The following PDPN variants were observed in gnomAD, a reference collection of about 807,000 sequenced individuals.
PDPN encodes the protein podoplanin, also known as PA2.26 antigen.
Under a neutral mutation model 23.2 loss-of-function variants are expected in PDPN, and 12 were observed. The observed-to-expected ratio is 0.52, with a 90% CI of 0.33 to 0.84. The LOEUF (loss-of-function observed/expected upper bound fraction) is 0.84, where lower values mean the gene tolerates loss of function less well. PDPN is among the 40% of genes least tolerant of loss of function. PDPN has a pLI of 0.02. For missense variants in PDPN, 199 were observed against 212.2 expected (o/e 0.94, Z 0.39); for synonymous variants, 77 against 76.7 (o/e 1.00, Z -0.02).
rs1263328638 is a variant in PDPN, at chr1:13,616,911, A to C, written c.*1000A>C. On this transcript the variant is annotated 3_prime_UTR_variant, in exon 6 of 6. Transcript: ENST00000621990. The stretch of plus-strand genomic sequence containing the variant: ...TCTGGTATGAGAAATAAAATCTGCC[A>C]GTTTTATAACATTCACTTTCTGCCT... 1.3e-5 allele frequency: 2 copies of C among 152,228 alleles called. No homozygotes were observed. The highest frequency in any genetic ancestry group is 2.4e-5 in the African/African-American group (1 of 41,464). The allele number at this position is 152,228 out of a possible 1,614,324, so 9.4% of individuals were successfully genotyped here.
intron 5 of PDPN, 100 bp from the exon 6 acceptor site, chr1:13,615,805 G>A: frequency 9.1e-7 from 1 of 1,098,750 alleles, no homozygotes; most frequent in Non-Finnish European, 1.4e-6. Context: ...GTCAGAACTT[G>A]GAAGATTTAG....
chr1:13,586,519 ACT>A (rs1373899130), intron 1 of PDPN, among the ~76,000 whole-genome samples: 1 of 151,890 alleles, frequency 6.6e-6, no homozygotes, highest in Non-Finnish European at 1.5e-5. Flanking sequence ...CACGCGAGTG[ACT>A]CTACACTGTA....
At position 13,614,274 on chromosome 1, in the gene PDPN, A is replaced by G. The variant is rs764099456; in HGVS notation, c.371-26A>G. On this transcript the variant is annotated intron_variant, in intron 4 of 5. Transcript: ENST00000621990. ...CGATGTATTTTTTCCTCTGGGGCTC[A>G]TGCTTTTTTTCTCTCTCTTGTTCAG... 7.1e-6 allele frequency: 9 copies of G among 1,264,510 alleles called. No individual in the cohort carries two copies. In the East Asian group the frequency reaches 1.8e-4, roughly 26 times the overall value. 78.3% of individuals were successfully genotyped at this position (1,264,510 alleles called of 1,614,324 possible).
chr1:13,597,534 C>A (rs921609661), intron 1 of PDPN, among the ~76,000 whole-genome samples: 1 of 152,166 alleles, frequency 6.6e-6, no homozygotes, highest in African/African-American at 2.4e-5. Context: ...GTGGAAGAAA[C>A]TTCTCACTCA....
At chr1:13,605,779 T>C (rs748149555) in intron 1 of PDPN, among the ~76,000 whole-genome samples, 1 of 151,864 alleles carries the variant, frequency 6.6e-6, no homozygotes, top group Non-Finnish European at 1.5e-5. Context: ...TGCAACCCCA[T>C]GCCCAGCTAA....
intron 1 of PDPN, among the ~76,000 whole-genome samples, chr1:13,594,173 C>G (rs990815874): frequency 6.6e-6 from 1 of 152,314 alleles, no homozygotes; most frequent in East Asian, 1.9e-4. Flanking sequence ...GTGGCTGGGC[C>G]ATAAACTTAC....
In PDPN at chr1:13,614,371, A is replaced by G; in HGVS notation, c.442A>G (p.Ile148Val). The G allele has an allele frequency of 6.2e-6, 10 of 1,604,688 alleles. No individual in the cohort carries two copies. The highest frequency in any genetic ancestry group is 8.5e-6 in the Non-Finnish European group (10 of 1,171,398). ...VLLAIGFIGA[I>V]IVVVMRKMSG... ...ACTAGCCATCGGCTTCATTGGTGCA[A>G]TCATCGTTGTGGTTATGCGAAAAAT... Residue 148 changes from isoleucine (I) to valine (V), a missense_variant, in exon 5 of 6, where the codon ATC (isoleucine) becomes GTC (valine). By Grantham distance (29) the Ile-to-Val change is conservative. Transcript: ENST00000621990.
At chr1:13,588,187 C>T (rs1167425668) in intron 1 of PDPN, among the ~76,000 whole-genome samples, 1 of 151,976 alleles carries the variant, frequency 6.6e-6, no homozygotes, top group Non-Finnish European at 1.5e-5. Flanking sequence ...CTCTTGACCC[C>T]CATCCAGAGA....
At chr1:13,592,308 A>G (rs1292593625) in intron 1 of PDPN, among the ~76,000 whole-genome samples, 1 of 152,190 alleles carries the variant, frequency 6.6e-6, no homozygotes, top group Non-Finnish European at 1.5e-5. Context: ...AATAGCGTTT[A>G]AAATTTTGGT....
intron 1 of PDPN, among the ~76,000 whole-genome samples, chr1:13,585,841 T>G (rs1640163634): frequency 6.6e-6 from 1 of 152,194 alleles, no homozygotes; most frequent in East Asian, 1.9e-4. Context: ...ATAACATCAT[T>G]GAGCGAAGCT....
rs532767192 is a variant in PDPN at position 13,615,294 on chromosome 1, T to G, written c.483-611T>G. On this transcript the variant is annotated intron_variant, in intron 5 of 5. Coordinates refer to ENST00000621990, the MANE Select transcript of PDPN (RefSeq NM_006474.5). ...CCTTTTTCTTTCTCTTTCTTTTTCT[T>G]TTTCTTTTTTTTTGAGACAGTCTTG... is the stretch of plus-strand genomic sequence containing the variant. Among the ~76,000 whole-genome samples the G allele has an allele frequency of 3.5e-5, 4 of 113,986 alleles. No homozygotes were observed. In the South Asian group the frequency reaches 1.4e-3, roughly 39 times the overall value. The allele number at this position is 113,986 out of a possible 152,430, so 74.8% of individuals were successfully genotyped here.
chr1:13,599,849 C>T (rs186195894), intron 1 of PDPN, among the ~76,000 whole-genome samples: 68 of 152,226 alleles, frequency 4.5e-4, no homozygotes, highest in South Asian at 4.1e-4. Context: ...GGAGCTGGGG[C>T]TGTAGAGGTG....
At chr1:13,600,475 C>T (rs1019991274) in intron 1 of PDPN, among the ~76,000 whole-genome samples, 1 of 152,070 alleles carries the variant, frequency 6.6e-6, no homozygotes, top group Admixed American at 6.5e-5. Context: ...AGCGATTCTC[C>T]TGCCTCAGCC....
chr1:13,586,694 C>T (rs1193398185), intron 1 of PDPN, among the ~76,000 whole-genome samples: 2 of 149,966 alleles, frequency 1.3e-5, no homozygotes, highest in African/African-American at 5.0e-5. Flanking sequence ...TCGGAATATA[C>T]CAGAACTGGG....
intron 1 of PDPN, among the ~76,000 whole-genome samples, chr1:13,586,763 T>TAA (rs34131450): frequency 0.027 from 3,336 of 125,394 alleles, 148 homozygotes; most frequent in African/African-American, 0.09. Flanking sequence ...ACTCTGCCAT[T>TAA]AAAAAAAAAA....
At chr1:13,594,756 G>A (rs924085149) in intron 1 of PDPN, among the ~76,000 whole-genome samples, 9 of 152,020 alleles carry the variant, frequency 5.9e-5, no homozygotes, top group African/African-American at 1.7e-4. Flanking sequence ...GGAGGCCGAG[G>A]TGGGCGGATC....
At chr1:13,612,344 T>C (rs1184919267) in intron 3 of PDPN, among the ~76,000 whole-genome samples, 1 of 152,184 alleles carries the variant, frequency 6.6e-6, no homozygotes, top group Non-Finnish European at 1.5e-5. Flanking sequence ...AGATGGGAAA[T>C]ATGGCACTAA....
At position 13,613,636 on chromosome 1, in the gene PDPN, A is replaced by G. The variant is rs555194793; in HGVS notation, c.332-51A>G. The G allele has an allele frequency of 1.7e-5, 15 of 887,428 alleles. No individual in the cohort carries two copies. In the South Asian group the frequency reaches 2.0e-4, roughly 12 times the overall value. 55.0% of individuals were successfully genotyped at this position (887,428 alleles called of 1,614,324 possible). ...TTCATCTTTTGCCAGTTGTTAAATT[A>G]TAGTTATTAAACCCTAATAATTCTA... On this transcript the variant is annotated intron_variant, in intron 3 of 5. Transcript: ENST00000621990.
intron 1 of PDPN, among the ~76,000 whole-genome samples, chr1:13,599,897 C>G (rs1640598200): frequency 6.6e-6 from 1 of 152,136 alleles, no homozygotes; most frequent in African/African-American, 2.4e-5. Flanking sequence ...TTGCTGCTGC[C>G]TTAACTTGCA....
Sources: gnomAD v4.1 joint callset for allele counts (sites outside exome capture counted in the v4.1 genomes callset) on GRCh38, gnomAD v4.1.1 for gene constraint, MANE v1.5 for transcripts, NCBI Gene and HGNC (gene_info 2026-07-23, HGNC 2026-07-21) for gene names.